Variants in GDAP2 observed in about 807,000 individuals in gnomAD.
GDAP2 encodes the protein ganglioside induced differentiation associated protein 2, also known as ganglioside-induced differentiation-associated protein 2.
Under a neutral mutation model 67.0 loss-of-function variants are expected in GDAP2, and 51 were observed. That is an observed-to-expected ratio of 0.76 (90% CI 0.61 to 0.96). The LOEUF (loss-of-function observed/expected upper bound fraction) is 0.96, where lower values mean the gene tolerates loss of function less well. GDAP2 is among the 40% of genes least tolerant of loss of function. The probability of loss-of-function intolerance (pLI) is 0.00; values close to 1 mark genes in which losing one functional copy is unlikely to be tolerated. For synonymous variants in GDAP2, 203 were observed against 207.3 expected (o/e 0.98, Z 0.18); for missense variants, 547 against 588.3 (o/e 0.93, Z 0.73).
At chr1:117,878,500 T>C (rs1648544034) in intron 12 of GDAP2, among the ~76,000 whole-genome samples, 1 of 152,212 alleles carries the variant, frequency 6.6e-6, no homozygotes, top group Admixed American at 6.5e-5. Flanking sequence ...CATTATTTGG[T>C]AGAATAATTG....
Position 117,898,529 on chromosome 1 carries a change from G to A in GDAP2, c.796+528C>T, listed in dbSNP as rs78803298. On this transcript the variant is annotated intron_variant, in intron 7 of 13. Coordinates refer to ENST00000369443, the MANE Select transcript of GDAP2 (RefSeq NM_017686.4). ...GAAGCTTGTGAGGCATATCTCCACAGAAGGGACTTAAGACCTTAAACATGT... is the reference window on the plus strand; with the variant it reads ...GAAGCTTGTGAGGCATATCTCCACAAAAGGGACTTAAGACCTTAAACATGT... Among the ~76,000 whole-genome samples the A allele has an allele frequency of 9.9e-3, 1,510 of 152,252 alleles. 21 individuals carry two copies. The highest frequency in any genetic ancestry group is 0.035 in the African/African-American group (1,454 of 41,548).
At chr1:117,917,122 T>C (rs1372081782) in intron 3 of GDAP2, among the ~76,000 whole-genome samples, 1 of 152,150 alleles carries the variant, frequency 6.6e-6, no homozygotes, top group Admixed American at 6.5e-5. Context: ...AAATGATGTT[T>C]CCCTATCATT....
Position 117,918,661 on chromosome 1 carries a change from A to C in GDAP2, c.252T>G (p.Pro84=), listed in dbSNP as rs750896170. The change falls in exon 3 of 14, where the codon CCT becomes CCG. Residue 84 remains proline (P), a synonymous_variant. Coordinates refer to ENST00000369443, the MANE Select transcript of GDAP2 (RefSeq NM_017686.4). The part of the protein sequence containing the change: ...TSNESLTDKN[P]VSESIFMLAG... The stretch of plus-strand genomic sequence containing the variant: ...CAAGCATGAAGATACTTTCTGACAC[A>C]GGATTCTTATCTGTGAGACTTTCAT... The C allele has an allele frequency of 1.1e-5, 17 of 1,606,844 alleles. No individual in the cohort carries two copies. The highest frequency in any genetic ancestry group is 1.4e-5 in the Non-Finnish European group (17 of 1,173,496).
At chr1:117,926,932 C>T (rs1271463116) in intron 1 of GDAP2, among the ~76,000 whole-genome samples, 2 of 151,992 alleles carry the variant, frequency 1.3e-5, no homozygotes. Context: ...GAGAGCAAGA[C>T]TGTCCACTGA....
At chr1:117,916,260 G>A (rs181790248) in intron 3 of GDAP2, among the ~76,000 whole-genome samples, 39 of 152,280 alleles carry the variant, frequency 2.6e-4, no homozygotes, top group Middle Eastern at 6.8e-3. Flanking sequence ...AAGAATAAGG[G>A]TTGACAACTG....
At chr1:117,913,673 A>G (rs980571565) in intron 3 of GDAP2, among the ~76,000 whole-genome samples, 7 of 152,300 alleles carry the variant, frequency 4.6e-5, no homozygotes, top group Admixed American at 1.3e-4. Flanking sequence ...AAGTTCCCCA[A>G]TAAAATAACA....
chr1:117,891,326 G>C (rs1483805665), intron 8 of GDAP2, among the ~76,000 whole-genome samples: 1 of 151,630 alleles, frequency 6.6e-6, no homozygotes, highest in Non-Finnish European at 1.5e-5. Context: ...AGGTTACAGG[G>C]AATGTTTAAT....
At chr1:117,872,153 C>A (rs1435476356) in intron 13 of GDAP2, among the ~76,000 whole-genome samples, 1 of 152,112 alleles carries the variant, frequency 6.6e-6, no homozygotes, top group Non-Finnish European at 1.5e-5. Flanking sequence ...CCATCGTATG[C>A]CAGTCAGAAT....
At chr1:117,916,861 C>T (rs758988690) in intron 3 of GDAP2, among the ~76,000 whole-genome samples, 16 of 152,016 alleles carry the variant, frequency 1.1e-4, no homozygotes, top group Non-Finnish European at 1.5e-4. Flanking sequence ...TGGTGAAACC[C>T]CATCTTCACT....
intron 2 of GDAP2, among the ~76,000 whole-genome samples, 166 bp downstream of exon 2, chr1:117,920,016 T>C (rs1248906213): frequency 6.6e-6 from 1 of 152,208 alleles, no homozygotes; most frequent in Non-Finnish European, 1.5e-5. Context: ...AAACTTATAT[T>C]GTATACTTTA....
chr1:117,912,416 A>T, intron 4 of GDAP2, 114 bp downstream of exon 4: 1 of 874,958 alleles, frequency 1.1e-6, no homozygotes, highest in Non-Finnish European at 1.7e-6. Context: ...GTCCCTCAAA[A>T]TTTGACTTCC....
rs1647982327 is a variant in GDAP2, at chr1:117,864,019, A to G, written c.*6550T>C. ...AGGCCCAAGGTCTGAGTGTGTCAGAAGCCAAAGCGCCAATGCTACTGACCA... is the reference window on the plus strand; with the variant it reads ...AGGCCCAAGGTCTGAGTGTGTCAGAGGCCAAAGCGCCAATGCTACTGACCA... On this transcript the variant is annotated 3_prime_UTR_variant, in exon 14 of 14. Coordinates refer to ENST00000369443, the MANE Select transcript of GDAP2 (RefSeq NM_017686.4). 1 of 152,256 alleles carries G rather than the reference A, an allele frequency of 6.6e-6. No homozygotes were observed. 9.4% of individuals were successfully genotyped at this position (152,256 alleles called of 1,614,324 possible). A position where few individuals can be genotyped will look rare whatever the true frequency, so the allele number is the denominator to read the frequency against.
intron 10 of GDAP2, among the ~76,000 whole-genome samples, chr1:117,884,742 GATTATT>G (rs1212295697): frequency 1.3e-5 from 2 of 151,882 alleles, no homozygotes; most frequent in Non-Finnish European, 2.9e-5. Context: ...GGGTCACACT[GATTATT>G]AAGAACATAA....
At chr1:117,887,649 T>G (rs770543780) in intron 9 of GDAP2, 49 bp downstream of exon 9, 7 of 888,088 alleles carry the variant, frequency 7.9e-6, no homozygotes, top group Non-Finnish European at 1.2e-5. Flanking sequence ...GCATGCTTGG[T>G]AGGGCTCTTA....
chr1:117,922,675 G>T (rs1165224061), intron 1 of GDAP2, among the ~76,000 whole-genome samples: 2 of 152,174 alleles, frequency 1.3e-5, no homozygotes, highest in East Asian at 3.9e-4. Flanking sequence ...TTCAAAAGGG[G>T]AGGGATTGTA....
intron 13 of GDAP2, among the ~76,000 whole-genome samples, chr1:117,874,780 T>A (rs777618034): frequency 6.6e-6 from 1 of 152,184 alleles, no homozygotes; most frequent in East Asian, 1.9e-4. Flanking sequence ...GTAAAGGCCA[T>A]GCTGATAAGG....
chr1:117,923,327 GA>G (rs766099535), intron 1 of GDAP2, among the ~76,000 whole-genome samples: 66 of 152,346 alleles, frequency 4.3e-4, no homozygotes, highest in Non-Finnish European at 5.4e-4. Flanking sequence ...ATTGATTGGG[GA>G]AGTGATAAAT....
chr1:117,888,032 A>G (rs888766629), intron 8 of GDAP2, among the ~76,000 whole-genome samples: 9 of 152,206 alleles, frequency 5.9e-5, no homozygotes, highest in African/African-American at 2.2e-4. Context: ...AAGGTTGTAC[A>G]GGTAAATGGC....
intron 1 of GDAP2, among the ~76,000 whole-genome samples, chr1:117,925,124 G>C (rs1394823998): frequency 1.1e-4 from 16 of 152,096 alleles, no homozygotes; most frequent in Admixed American, 1.0e-3. Flanking sequence ...TTTTCTTTCT[G>C]ACTCTAAGTA....
Sources: allele counts gnomAD v4.1 joint callset (sites outside exome capture counted in the v4.1 genomes callset), GRCh38; gene constraint gnomAD v4.1.1; transcripts MANE v1.5; gene names NCBI Gene and HGNC (gene_info 2026-07-23, HGNC 2026-07-21).